Variants in CC2D2A observed in about 807,000 individuals in gnomAD.
CC2D2A encodes coiled-coil and C2 domain containing 2A.
In CC2D2A, 155 loss-of-function variants were observed where a neutral mutation model predicts 212.9. That is an observed-to-expected ratio of 0.73 (90% confidence interval 0.64 to 0.83). The LOEUF (loss-of-function observed/expected upper bound fraction) is 0.83. Ranked by LOEUF, CC2D2A falls within the 40% of genes least tolerant of loss-of-function variation. The pLI, the probability that CC2D2A is intolerant of heterozygous loss-of-function variation, is 0.00. For missense variants in CC2D2A, 1,856 were observed against 1,956.2 expected, an observed-to-expected ratio of 0.95 and a Z score of 0.97; for synonymous variants, 667 against 686.5, an observed-to-expected ratio of 0.97 and a Z score of 0.44.
At position 15,470,972 on chromosome 4, in the gene CC2D2A, T is replaced by A. The variant is rs183155294; in HGVS notation, c.-19+915T>A. 2.6e-5 allele frequency among the ~76,000 whole-genome samples: 4 copies of A among 152,112 alleles called. No homozygotes were observed. In the East Asian group the frequency reaches 5.8e-4, roughly 22 times the overall value. ...ATGACATCCAGGGAGGGGCTTCCAG[T>A]ACTTAGCACATCATGTAAATGCACT... On this transcript the variant is annotated intron_variant, in intron 1 of 36. Coordinates refer to ENST00000424120, the MANE Select transcript of CC2D2A (RefSeq NM_001378615.1).
rs185889005 is a variant in CC2D2A, at chr4:15,539,725, A to G, written c.2004-1112A>G. On this transcript the variant is annotated intron_variant, in intron 16 of 36. Transcript: ENST00000424120. ...TTTAATTTTGACATGAATGTTCAAA[A>G]TATGTGATGACACAGCATGCTTTCT... Among the ~76,000 whole-genome samples the G allele has an allele frequency of 3.3e-5, 5 of 152,350 alleles. No homozygotes were observed. The East Asian group carries it at 5.8e-4, about 18-fold the overall frequency.
chr4:15,479,624 T>C (rs372095540), intron 3 of CC2D2A, among the ~76,000 whole-genome samples: 33 of 152,070 alleles, frequency 2.2e-4, no homozygotes, highest in African/African-American at 7.7e-4. Context: ...TCCAGGTGGT[T>C]GGGGAGGTAC....
intron 8 of CC2D2A, among the ~76,000 whole-genome samples, chr4:15,512,958 A>T (rs1716655678): frequency 6.6e-6 from 1 of 152,134 alleles, no homozygotes; most frequent in Non-Finnish European, 1.5e-5. Flanking sequence ...TCTCAAAAAA[A>T]AAAAAAAGGT....
chr4:15,558,240 T>A (rs1164015790), intron 21 of CC2D2A, among the ~76,000 whole-genome samples: 2 of 152,186 alleles, frequency 1.3e-5, no homozygotes, highest in Non-Finnish European at 2.9e-5. Flanking sequence ...CATCAGGAAT[T>A]AGTACCAGGA....
rs1350593910 is a variant in CC2D2A, at chr4:15,536,773, T to C, written c.1608-147T>C. ...GTATACGATGTGGATAATAATAGCA[T>C]CTGCCTCACAGGATTGTGAGTTTAC... On this transcript the variant is annotated intron_variant, in intron 14 of 36. Coordinates refer to ENST00000424120, the MANE Select transcript of CC2D2A (RefSeq NM_001378615.1). 2.0e-5 allele frequency: 14 copies of C among 687,582 alleles called. No homozygotes were observed. In the East Asian group the frequency reaches 3.3e-4, roughly 16 times the overall value. The allele number at this position is 687,582 out of a possible 1,614,324, so 42.6% of individuals were successfully genotyped here. A position where few individuals can be genotyped will look rare whatever the true frequency, so the allele number is the denominator to read the frequency against.
chr4:15,546,555 T>A (rs971899791), intron 17 of CC2D2A, among the ~76,000 whole-genome samples: 4 of 152,212 alleles, frequency 2.6e-5, no homozygotes, highest in African/African-American at 9.6e-5. Context: ...GAGGAATAAC[T>A]CCTCTATCAG....
Position 15,478,933 on chromosome 4 carries a change from G to C in CC2D2A, c.123+127G>C, listed in dbSNP as rs988729891. On this transcript the variant is annotated intron_variant, in intron 3 of 36. Coordinates refer to ENST00000424120, the MANE Select transcript of CC2D2A (RefSeq NM_001378615.1). Reference sequence around the variant, plus strand: ...TTGGTACCAACTTTTGGCCTGCTCTGGGGGGCTGTGAGGCGGGGATGCAGA... The same window carrying C: ...TTGGTACCAACTTTTGGCCTGCTCTCGGGGGCTGTGAGGCGGGGATGCAGA... The C allele has an allele frequency of 3.8e-6, 3 of 787,876 alleles. No individual in the cohort carries two copies. The African/African-American group carries it at 5.2e-5, about 14-fold the overall frequency. 48.8% of individuals were successfully genotyped at this position (787,876 alleles called of 1,614,324 possible).
chr4:15,528,707 G>A lies in CC2D2A; in HGVS notation c.1447G>A (p.Glu483Lys), dbSNP rs1489277186. The A allele has an allele frequency of 6.2e-7, 1 of 1,611,848 alleles. No homozygotes were observed. ...CGATACCATCCAAAAAACCATCAAT[G>A]AGTATAAATCTGAAATTCGGTGAGT... ...SLDTIQKTINEYKSEIRQTRK... is the reference protein window; with the variant it reads ...SLDTIQKTINKYKSEIRQTRK... Residue 483 changes from glutamate (E) to lysine (K), a missense_variant, in exon 13 of 37, where the codon GAG becomes AAG. Glu to Lys is a moderately conservative substitution (Grantham distance 56). This residue lies in a region of CC2D2A where 1,512 missense variants were observed against 1,579.3 expected (regional missense o/e 0.96). Transcript: ENST00000424120.
In CC2D2A at chr4:15,597,392, T is replaced by C; in HGVS notation, c.4438-15T>C. ...GGTGATTTTTATACTTTCTGAACTA[T>C]TTTCTCTTCTATAGCCTGAAGAGCT... is the stretch of plus-strand genomic sequence containing the variant. On this transcript the variant is annotated splice_polypyrimidine_tract_variant and intron_variant, in intron 34 of 36. Coordinates refer to ENST00000424120, the MANE Select transcript of CC2D2A (RefSeq NM_001378615.1). The C allele has an allele frequency of 1.3e-6, 2 of 1,541,742 alleles. No individual in the cohort carries two copies. The highest frequency in any genetic ancestry group is 1.8e-6 in the Non-Finnish European group (2 of 1,140,818).
intron 11 of CC2D2A, among the ~76,000 whole-genome samples, chr4:15,518,036 G>A (rs139564601): frequency 0.018 from 2,784 of 152,170 alleles, 69 homozygotes; most frequent in African/African-American, 0.064. Context: ...TGGGAATTGT[G>A]GGAGTTACAA....
intron 29 of CC2D2A, 36 bp downstream of exon 29, chr4:15,574,362 TGATAAAACACAAGAAATGC>T: frequency 6.8e-7 from 1 of 1,468,302 alleles, no homozygotes; most frequent in Non-Finnish European, 9.2e-7. Context: ...ATGTCTATGT[TGATAAAACACAAGAAATGC>T]TTGCTAGGCT....
rs149906077 is a variant in CC2D2A at position 15,520,797 on chromosome 4, G to A, written c.1149+4041G>A. On this transcript the variant is annotated intron_variant, in intron 11 of 36. Transcript: ENST00000424120. The stretch of plus-strand genomic sequence containing the variant: ...TGCCAAGCAGACCATGCAGGCCAGT[G>A]AACAACCTCTCCTTGGAGACAGCTA... Among the ~76,000 whole-genome samples the A allele has an allele frequency of 6.3e-3, 954 of 152,198 alleles. 6 individuals carry two copies. Among genetic ancestry groups the A allele is most frequent in the African/African-American group, 0.021 (887 of 41,516 alleles).
chr4:15,574,004 A>C, intron 28 of CC2D2A, 146 bp from the exon 29 acceptor site: 1 of 620,028 alleles, frequency 1.6e-6, no homozygotes, highest in South Asian at 2.2e-5. Flanking sequence ...GCTTAGAGAG[A>C]TGAGATTAGA....
Position 15,587,933 on chromosome 4 carries a change from A to G in CC2D2A, c.4179+4A>G. 1 of 1,547,206 alleles carries G rather than the reference A, an allele frequency of 6.5e-7. No homozygotes were observed. The highest frequency in any genetic ancestry group is 8.9e-7 in the Non-Finnish European group (1 of 1,120,254). On this transcript the variant is annotated splice_donor_region_variant and intron_variant, in intron 32 of 36. Transcript: ENST00000424120. ...GATGGGCAATGCTATTCCTGAGGTA[A>G]GACCACATAGGCTGCCTTTAACAGA...
intron 28 of CC2D2A, among the ~76,000 whole-genome samples, chr4:15,571,589 C>T (rs920539681): frequency 7.3e-6 from 1 of 137,478 alleles, no homozygotes; most frequent in African/African-American, 2.7e-5. Context: ...GGCAACAGAG[C>T]GAGACTCCGT....
chr4:15,572,659 T>C (rs1720222906), intron 28 of CC2D2A, among the ~76,000 whole-genome samples: 1 of 151,596 alleles, frequency 6.6e-6, no homozygotes, highest in African/African-American at 2.4e-5. Flanking sequence ...TGTATTAGGG[T>C]TCTCTAAACG....
intron 25 of CC2D2A, 84 bp downstream of exon 25, chr4:15,567,566 C>CT (rs1287245479): frequency 5.1e-6 from 7 of 1,362,112 alleles, no homozygotes; most frequent in Non-Finnish European, 7.1e-6. Context: ...AGTCTGCTCT[C>CT]TGCTTCATTT....
intron 33 of CC2D2A, chr4:15,595,854 C>T: frequency 3.0e-6 from 1 of 328,124 alleles, no homozygotes; most frequent in Non-Finnish European, 5.5e-6. Context: ...CACTAAGGTA[C>T]ACCCCCAACT....
intron 16 of CC2D2A, among the ~76,000 whole-genome samples, chr4:15,540,074 A>G (rs1718341566): frequency 6.6e-6 from 1 of 152,192 alleles, no homozygotes; most frequent in Non-Finnish European, 1.5e-5. Flanking sequence ...GATAAACATT[A>G]CGTTATGTTA....
Sources: gnomAD v4.1 joint callset for allele counts (sites outside exome capture counted in the v4.1 genomes callset) on GRCh38, gnomAD v4.1.1 for gene constraint, gnomAD v4.1.1 regional missense constraint, MANE v1.5 for transcripts, NCBI Gene and HGNC (gene_info 2026-07-23, HGNC 2026-07-21) for gene names.